SGCZ: variants seen among roughly 807,000 people sequenced by gnomAD.
The protein encoded by SGCZ is zeta-sarcoglycan.
Under a neutral mutation model 41.3 loss-of-function variants are expected in SGCZ, and 40 were observed. That is an observed-to-expected ratio of 0.97 (90% confidence interval 0.75 to 1.26). The LOEUF (loss-of-function observed/expected upper bound fraction) is 1.26, where lower values mean the gene tolerates loss of function less well. Ranked by LOEUF, SGCZ falls within the 50% of genes most tolerant of loss-of-function variation. SGCZ has a pLI of 0.00. For missense variants in SGCZ, 552 were observed against 369.8 expected (o/e 1.49, Z -4.04); for synonymous variants, 206 against 137.5 (o/e 1.50, Z -3.49).
intron 7 of SGCZ, among the ~76,000 whole-genome samples, chr8:14,100,068 T>A (rs1449355579): frequency 6.6e-6 from 1 of 151,650 alleles, no homozygotes; most frequent in Non-Finnish European, 1.5e-5. Context: ...GATAAATCTG[T>A]GGTACAGTCA....
chr8:14,156,390 G>A (rs1470510326), intron 5 of SGCZ, among the ~76,000 whole-genome samples: 1 of 152,118 alleles, frequency 6.6e-6, no homozygotes, highest in Non-Finnish European at 1.5e-5. Flanking sequence ...GAACCCAGGA[G>A]GTGGAGGTTG....
chr8:14,130,477 T>G (rs1374240148), intron 5 of SGCZ, among the ~76,000 whole-genome samples: 1 of 129,468 alleles, frequency 7.7e-6, no homozygotes, highest in African/African-American at 2.4e-5. Flanking sequence ...CCATGTTTAT[T>G]CCCACACACA....
Position 14,259,666 on chromosome 8 carries a change from C to A in SGCZ, c.337-21987G>T, listed in dbSNP as rs796845499. Reference sequence around the variant, plus strand: ...GAGGGCTCTGTTCTGTTCCATTGATCTATATTTCTGTTTTGGTACCAGTAC... The same window carrying A: ...GAGGGCTCTGTTCTGTTCCATTGATATATATTTCTGTTTTGGTACCAGTAC... On this transcript the variant is annotated intron_variant, in intron 3 of 7. Transcript: ENST00000382080. Among the ~76,000 whole-genome samples, 17 of 137,986 alleles carry A rather than the reference C, an allele frequency of 1.2e-4. No individual in the cohort carries two copies. The East Asian group carries it at 3.4e-3, about 28-fold the overall frequency. The allele number at this position is 137,986 out of a possible 152,430, so 90.5% of individuals were successfully genotyped here. A position where few individuals can be genotyped will look rare whatever the true frequency, so the allele number is the denominator to read the frequency against.
At chr8:14,304,466 T>C (rs1214923979) in intron 3 of SGCZ, among the ~76,000 whole-genome samples, 2 of 151,924 alleles carry the variant, frequency 1.3e-5, no homozygotes, top group Non-Finnish European at 2.9e-5. Context: ...TGGTGGCACA[T>C]GCCTGTGGAC....
At chr8:14,374,558 A>C (rs573437352) in intron 2 of SGCZ, among the ~76,000 whole-genome samples, 82 of 143,496 alleles carry the variant, frequency 5.7e-4, no homozygotes, top group Non-Finnish European at 9.1e-4. Context: ...GAAAAGTATA[A>C]AAGAGTCATT....
chr8:14,794,169 G>C (rs1472635212), intron 1 of SGCZ, among the ~76,000 whole-genome samples: 1 of 152,064 alleles, frequency 6.6e-6, no homozygotes, highest in East Asian at 1.9e-4. Flanking sequence ...CTTCTACTCA[G>C]TCACGATTAG....
chr8:14,341,644 C>T (rs982437606), intron 2 of SGCZ, among the ~76,000 whole-genome samples: 1 of 152,084 alleles, frequency 6.6e-6, no homozygotes, highest in Non-Finnish European at 1.5e-5. Context: ...AATTGTATCT[C>T]CCAGAATTCC....
intron 1 of SGCZ, among the ~76,000 whole-genome samples, chr8:15,086,790 T>A (rs1805965071): frequency 1.3e-5 from 2 of 152,164 alleles, no homozygotes; most frequent in African/African-American, 4.8e-5. Context: ...AAGCAAATTA[T>A]TTTTTTCTCT....
Position 15,090,693 on chromosome 8 carries a change from G to A in SGCZ, c.39+146892C>T, listed in dbSNP as rs73525017. ...GTGGGAAGTAGGAAGGTAAAGCCAAGCGTTGATAGGAAGCAAATAGATGGT... is the reference window on the plus strand; with the variant it reads ...GTGGGAAGTAGGAAGGTAAAGCCAAACGTTGATAGGAAGCAAATAGATGGT... On this transcript the variant is annotated intron_variant, in intron 1 of 7. Transcript: ENST00000382080. Among the ~76,000 whole-genome samples the A allele has an allele frequency of 8.5e-4, 129 of 152,278 alleles. 1 individual carries two copies. Among genetic ancestry groups the A allele is most frequent in the African/African-American group, 2.8e-3 (117 of 41,572 alleles).
At position 14,242,355 on chromosome 8, in the gene SGCZ, T is replaced by C. The variant is rs148292033; in HGVS notation, c.337-4676A>G. ...TTACATATATGAGATCATCCAGTTA[T>C]GAAGCTTACAATAAAACCATCCACG... On this transcript the variant is annotated intron_variant, in intron 3 of 7. Coordinates refer to ENST00000382080, the MANE Select transcript of SGCZ (RefSeq NM_139167.4). 6.5e-3 allele frequency among the ~76,000 whole-genome samples: 986 copies of C among 152,316 alleles called. 4 individuals are homozygous for C. Among genetic ancestry groups the C allele is most frequent in the Non-Finnish European group, 0.01 (684 of 68,032 alleles).
At chr8:14,906,216 C>G (rs938501754) in intron 1 of SGCZ, among the ~76,000 whole-genome samples, 1 of 152,018 alleles carries the variant, frequency 6.6e-6, no homozygotes, top group Non-Finnish European at 1.5e-5. Flanking sequence ...TGAAGACGCT[C>G]CCTAGAGTTT....
At chr8:14,108,432 G>T (rs949628216) in intron 5 of SGCZ, among the ~76,000 whole-genome samples, 197 bp from the exon 6 acceptor site, 3 of 152,180 alleles carry the variant, frequency 2.0e-5, no homozygotes, top group African/African-American at 4.8e-5. Context: ...TGCACTTACA[G>T]TTCCACATGG....
chr8:14,698,171 A>G (rs1809026426), intron 1 of SGCZ, among the ~76,000 whole-genome samples: 1 of 152,022 alleles, frequency 6.6e-6, no homozygotes, highest in Non-Finnish European at 1.5e-5. Context: ...TCCTATAAGA[A>G]TGAAATATTA....
chr8:14,415,028 T>G (rs1799457629), intron 2 of SGCZ, among the ~76,000 whole-genome samples: 2 of 151,892 alleles, frequency 1.3e-5, no homozygotes, highest in South Asian at 4.1e-4. Context: ...GCTCGAAGAT[T>G]TTACAAAATT....
At chr8:14,714,189 G>A (rs960550533) in intron 1 of SGCZ, among the ~76,000 whole-genome samples, 11 of 151,988 alleles carry the variant, frequency 7.2e-5, no homozygotes, top group Admixed American at 2.0e-4. Flanking sequence ...GGCTGGTTTC[G>A]AACTCCTGAC....
At chr8:14,787,813 T>C (rs1375037619) in intron 1 of SGCZ, among the ~76,000 whole-genome samples, 2 of 151,702 alleles carry the variant, frequency 1.3e-5, no homozygotes, top group South Asian at 4.2e-4. Context: ...ATCACTGCAC[T>C]CCAGCCTGGA....
intron 2 of SGCZ, among the ~76,000 whole-genome samples, chr8:14,523,832 T>C (rs898935547): frequency 2.0e-5 from 3 of 152,132 alleles, no homozygotes; most frequent in Admixed American, 2.0e-4. Context: ...ATGATAGATC[T>C]ATTGTTTGAA....
chr8:14,856,792 G>A (rs368999048), intron 1 of SGCZ, among the ~76,000 whole-genome samples: 5 of 152,316 alleles, frequency 3.3e-5, no homozygotes, highest in East Asian at 3.9e-4. Flanking sequence ...ACAGTCAACA[G>A]CAGGGAAAGA....
chr8:14,700,472 G>A (rs1380067382), intron 1 of SGCZ, among the ~76,000 whole-genome samples: 2 of 151,858 alleles, frequency 1.3e-5, no homozygotes, highest in Non-Finnish European at 2.9e-5. Flanking sequence ...ATGGATGGCA[G>A]GAGATGGGGG....
Sources: gnomAD v4.1 joint callset for allele counts (sites outside exome capture counted in the v4.1 genomes callset) on GRCh38, gnomAD v4.1.1 for gene constraint, MANE v1.5 for transcripts, NCBI Gene and HGNC (gene_info 2026-07-23, HGNC 2026-07-21) for gene names.